Variants in TXNDC8 observed in about 807,000 individuals in gnomAD.
The protein encoded by TXNDC8 is thioredoxin domain-containing protein 8.
Under a neutral mutation model 12.9 loss-of-function variants are expected in TXNDC8, and 15 were observed. That is an observed-to-expected ratio of 1.16 (90% CI 0.78 to 1.79). The LOEUF (loss-of-function observed/expected upper bound fraction) is 1.79, where lower values mean the gene tolerates loss of function less well. Ranked by LOEUF, TXNDC8 falls within the 40% of genes most tolerant of loss-of-function variation. The probability of loss-of-function intolerance (pLI) is 0.00; values close to 1 mark genes in which losing one functional copy is unlikely to be tolerated. For missense variants in TXNDC8, 128 were observed against 113.2 expected (o/e 1.13, Z -0.59); for synonymous variants, 40 against 35.4 (o/e 1.13, Z -0.46).
intron 3 of TXNDC8, among the ~76,000 whole-genome samples, chr9:110,305,568 TTCTTTC>T (rs1196826144): frequency 7.3e-6 from 1 of 137,816 alleles, no homozygotes; most frequent in Admixed American, 7.2e-5. Flanking sequence ...CTTTCTTTCT[TTCTTTC>T]TTTCTTTCTT....
At chr9:110,323,135 G>C (rs944026149) in intron 3 of TXNDC8, 17 of 985,248 alleles carry the variant, frequency 1.7e-5, no homozygotes, top group Non-Finnish European at 1.9e-5. Flanking sequence ...CTGGAGAACA[G>C]AGATATGGTG....
chr9:110,312,991 C>T (rs954406262), intron 3 of TXNDC8, among the ~76,000 whole-genome samples: 52 of 152,238 alleles, frequency 3.4e-4, no homozygotes, highest in Admixed American at 6.5e-4. Flanking sequence ...CTGCAACCTC[C>T]GCCACCCGGA....
Position 110,304,503 on chromosome 9 carries a change from T to A in TXNDC8, c.225A>T (p.Ile75=). The change falls in exon 4 of 5, where the codon ATA becomes ATT. Residue 75 remains isoleucine (I), a synonymous_variant. Transcript: ENST00000423740. ...TGAATCCACTTCTATAACAGCAAATTATTCTTTTGATTCTTGAGAATAGGG... is the reference window on the plus strand; with the variant it reads ...TGAATCCACTTCTATAACAGCAAATAATTCTTTTGATTCTTGAGAATAGGG... The A allele has an allele frequency of 6.2e-7, 1 of 1,610,522 alleles. No individual in the cohort carries two copies. The highest frequency in any genetic ancestry group is 8.5e-7 in the Non-Finnish European group (1 of 1,177,758).
At chr9:110,309,686 A>G (rs1039657645) in intron 3 of TXNDC8, among the ~76,000 whole-genome samples, 1 of 152,198 alleles carries the variant, frequency 6.6e-6, no homozygotes, top group Non-Finnish European at 1.5e-5. Flanking sequence ...ATAAGGGCTG[A>G]TTACCTAGTG....
chr9:110,305,855 CTTTTTCTTTT>C (rs1564093292), intron 3 of TXNDC8, among the ~76,000 whole-genome samples: 1 of 103,528 alleles, frequency 9.7e-6, no homozygotes. Flanking sequence ...TCTTTTCTTT[CTTTTTCTTTT>C]CTTTTCTTTT....
chr9:110,321,980 C>G (rs959925942), intron 3 of TXNDC8, among the ~76,000 whole-genome samples: 2 of 152,178 alleles, frequency 1.3e-5, no homozygotes, highest in East Asian at 1.9e-4. Context: ...AATACTCTCT[C>G]TTTAGGATCT....
chr9:110,308,830 G>C (rs1259328383), intron 3 of TXNDC8, among the ~76,000 whole-genome samples: 1 of 152,158 alleles, frequency 6.6e-6, no homozygotes, highest in Non-Finnish European at 1.5e-5. Context: ...GATGTGTTCT[G>C]TTTTCTTTGT....
chr9:110,305,659 T>C (rs904748832), intron 3 of TXNDC8, among the ~76,000 whole-genome samples: 2 of 150,038 alleles, frequency 1.3e-5, no homozygotes, highest in African/African-American at 2.5e-5. Context: ...TTTTCTTCTT[T>C]CTTTCTTTCT....
chr9:110,333,414 T>C (rs1347791684), intron 2 of TXNDC8, among the ~76,000 whole-genome samples: 1 of 152,154 alleles, frequency 6.6e-6, no homozygotes, highest in Admixed American at 6.6e-5. Flanking sequence ...CGGCACCCCC[T>C]ACCCTAAGCC....
chr9:110,305,215 GAAAA>G (rs961193645), intron 3 of TXNDC8, among the ~76,000 whole-genome samples: 2 of 140,312 alleles, frequency 1.4e-5, no homozygotes, highest in African/African-American at 5.3e-5. Flanking sequence ...TTAAAAAATA[GAAAA>G]AAAGAAAGAT....
At position 110,324,386 on chromosome 9, in the gene TXNDC8, G is replaced by A. The variant is rs145197440; in HGVS notation, c.195+1789C>T. On this transcript the variant is annotated intron_variant, in intron 3 of 4. Transcript: ENST00000423740. Reference sequence around the variant, plus strand: ...TTTTAAAAAATAATTTAAATATATTGCACCAGCTATATTACAGAAAATACT... The same window carrying A: ...TTTTAAAAAATAATTTAAATATATTACACCAGCTATATTACAGAAAATACT... Among the ~76,000 whole-genome samples, 312 of 152,220 alleles carry A rather than the reference G, an allele frequency of 2.0e-3. 2 individuals carry two copies. The highest frequency in any genetic ancestry group is 6.8e-3 in the African/African-American group (284 of 41,546).
At chr9:110,323,635 T>G in intron 3 of TXNDC8, 1 of 348,974 alleles carries the variant, frequency 2.9e-6, no homozygotes, top group Non-Finnish European at 4.8e-6. Context: ...ATTTTTTGGG[T>G]TGCAAGTGAC....
At chr9:110,304,333 C>T in intron 4 of TXNDC8, 134 bp downstream of exon 5, 2 of 727,178 alleles carry the variant, frequency 2.8e-6, no homozygotes, top group Non-Finnish European at 2.2e-6. Flanking sequence ...CGGTGTGCTG[C>T]AGGGAGAAAC....
At position 110,325,747 on chromosome 9, in the gene TXNDC8, G is replaced by C. The variant is rs540749454; in HGVS notation, c.195+428C>G. On this transcript the variant is annotated intron_variant, in intron 3 of 4. Coordinates refer to ENST00000423740, the MANE Select transcript of TXNDC8 (RefSeq NM_001286946.2). ...TGTTAGCCAGGATGGTCTCTATCTC[G>C]TGACCTTGTGATCTGCCCGCCTTGG... is the stretch of plus-strand genomic sequence containing the variant. Among the ~76,000 whole-genome samples, 4 of 152,176 alleles carry C rather than the reference G, an allele frequency of 2.6e-5. No homozygotes were observed. In the East Asian group the frequency reaches 7.7e-4, roughly 29 times the overall value.
intron 4 of TXNDC8, 179 bp from the exon 6 acceptor site, chr9:110,303,762 G>T: frequency 6.8e-7 from 1 of 1,464,100 alleles, no homozygotes; most frequent in Non-Finnish European, 9.2e-7. Flanking sequence ...TTTCATATTT[G>T]GCATCCTTTC....
chr9:110,303,533 T>C lies in TXNDC8; in HGVS notation c.*149A>G. The C allele has an allele frequency of 6.5e-7, 1 of 1,528,472 alleles. No individual in the cohort carries two copies. Among genetic ancestry groups the C allele is most frequent in the Non-Finnish European group, 8.8e-7 (1 of 1,131,572 alleles). The allele number at this position is 1,528,472 out of a possible 1,614,324, so 94.7% of individuals were successfully genotyped here. A position where few individuals can be genotyped will look rare whatever the true frequency, so the allele number is the denominator to read the frequency against. ...CTTGGAGATCAGCTTACATTAATTC[T>C]TGAGTCTTGGCTTCCAATTTTTTAG... is the stretch of plus-strand genomic sequence containing the variant. On this transcript the variant is annotated 3_prime_UTR_variant, in exon 5 of 5. Transcript: ENST00000423740.
At chr9:110,322,319 G>C (rs1325644606) in intron 3 of TXNDC8, 1 of 949,394 alleles carries the variant, frequency 1.1e-6, no homozygotes, top group African/African-American at 1.8e-5. Context: ...CCTGGAATTA[G>C]AATATGGAAG....
chr9:110,318,213 G>C (rs1838954885), intron 3 of TXNDC8, among the ~76,000 whole-genome samples: 5 of 152,286 alleles, frequency 3.3e-5, no homozygotes, highest in Middle Eastern at 3.4e-3. Context: ...CTATGTGTCT[G>C]ACAAGGAAAG....
intron 3 of TXNDC8, among the ~76,000 whole-genome samples, chr9:110,315,728 G>A (rs572446228): frequency 2.0e-5 from 3 of 149,088 alleles, no homozygotes; most frequent in Non-Finnish European, 4.4e-5. Context: ...GTTCAGGCTG[G>A]TCTTGATCTC....
Sources: allele counts gnomAD v4.1 joint callset (sites outside exome capture counted in the v4.1 genomes callset), GRCh38; gene constraint gnomAD v4.1.1; transcripts MANE v1.5; gene names NCBI Gene and HGNC (gene_info 2026-07-23, HGNC 2026-07-21).